Variants in PAPLN observed in about 807,000 individuals in gnomAD.
PAPLN encodes the protein papilin.
In PAPLN, 146 loss-of-function variants were observed where a neutral mutation model predicts 159.0. That is an observed-to-expected ratio of 0.92 (90% CI 0.80 to 1.05). The LOEUF is 1.05. Among genes scored for constraint, PAPLN ranks in the 50% least tolerant of loss-of-function variants. The probability of loss-of-function intolerance (pLI) is 0.00; values close to 1 mark genes in which losing one functional copy is unlikely to be tolerated. For synonymous variants in PAPLN, 734 were observed against 702.9 expected, an observed-to-expected ratio of 1.04 and a Z score of -0.70; for missense variants, 1,720 against 1,743.9, an observed-to-expected ratio of 0.99 and a Z score of 0.24.
intron 6 of PAPLN, 54 bp downstream of exon 6, chr14:73,250,168 G>T: frequency 1.3e-6 from 2 of 1,523,100 alleles, no homozygotes; most frequent in Non-Finnish European, 1.8e-6. Flanking sequence ...GGCTCAGTGC[G>T]GGTGTTTCCC....
rs928964897 is a variant in PAPLN at position 73,244,672 on chromosome 14, C to A, written c.83C>A (p.Thr28Asn). The A allele has an allele frequency of 2.5e-6, 4 of 1,593,952 alleles. No individual in the cohort carries two copies. Among genetic ancestry groups the A allele is most frequent in the Middle Eastern group, 1.7e-4 (1 of 6,002 alleles). Residue 28 changes from threonine (T) to asparagine (N), a missense_variant, in exon 3 of 27, where the codon ACC becomes AAC. By Grantham distance (65) the Thr-to-Asn change is moderately conservative (BLOSUM62 0). Transcript: ENST00000644200. ...CCCAAGGTGAGGCGGCAGAGTGACA[C>A]CTGGGGACCCTGGAGCCAGTGGAGC... The part of the protein sequence containing the change: ...SAPKVRRQSD[T>N]WGPWSQWSPC...
Position 73,254,596 on chromosome 14 carries a change from G to T in PAPLN, c.1386G>T (p.Ala462=). The T allele has an allele frequency of 6.2e-7, 1 of 1,614,034 alleles. No individual in the cohort carries two copies. Among genetic ancestry groups the T allele is most frequent in the Non-Finnish European group, 8.5e-7 (1 of 1,179,920 alleles). ...GERGSLLHTA[A]CSLEDRPPLT... The stretch of plus-strand genomic sequence containing the variant: ...GGGGTTCTTTGCTCCATACCGCAGC[G>T]TGCTCCTTGGAAGACCGGCCACCTC... The change falls in exon 13 of 27, where the codon GCG becomes GCT. Residue 462 remains alanine (A), a synonymous_variant. Transcript: ENST00000644200.
At chr14:73,238,063 T>C (rs1332236707) in intron 1 of PAPLN, among the ~76,000 whole-genome samples, 1 of 152,122 alleles carries the variant, frequency 6.6e-6, no homozygotes, top group East Asian at 1.9e-4. Flanking sequence ...CGCGGCGCGT[T>C]CCTGGGGTGG....
In PAPLN at chr14:73,248,169, C is replaced by CTGTGTGTG. The variant is rs776221964; in HGVS notation, c.335-1803_335-1796dup. The stretch of plus-strand genomic sequence containing the variant: ...TGGCCCAGTGGGAGTCTCATATCCT[C>CTGTGTGTG]TGTGTGTGTGTGTGTGTGTCTGTGT... On this transcript the variant is annotated intron_variant, in intron 5 of 26. Transcript: ENST00000644200. 3.1e-4 allele frequency among the ~76,000 whole-genome samples: 32 copies of CTGTGTGTG among 101,662 alleles called. 1 individual carries two copies. Among genetic ancestry groups the CTGTGTGTG allele is most frequent in the African/African-American group, 1.2e-3 (28 of 23,296 alleles). The allele number at this position is 101,662 out of a possible 152,430, so 66.7% of individuals were successfully genotyped here.
chr14:73,262,815 GCTC>G lies in PAPLN; in HGVS notation c.2717_2719del (p.Ser906del). On this transcript the variant is annotated inframe_deletion, in exon 19 of 27. Coordinates refer to ENST00000644200, the MANE Select transcript of PAPLN (RefSeq NM_001365906.3). ...GGATCACCAGCGCCACCCTTCCACA[GCTC>G]CTCCTACAGGTGAGGCCCACCTTCC... 1.3e-6 allele frequency: 2 copies of G among 1,489,870 alleles called. No individual in the cohort carries two copies. Among genetic ancestry groups the G allele is most frequent in the Non-Finnish European group, 1.8e-6 (2 of 1,124,016 alleles). 92.3% of individuals were successfully genotyped at this position (1,489,870 alleles called of 1,614,324 possible).
intron 20 of PAPLN, 197 bp from the exon 21 acceptor site, chr14:73,264,014 A>G (rs559609368): frequency 3.6e-6 from 5 of 1,391,990 alleles, no homozygotes; most frequent in Non-Finnish European, 4.7e-6. Flanking sequence ...TGACAGGTTC[A>G]CGTGACAGCT....
chr14:73,264,328 C>T lies in PAPLN; in HGVS notation c.2979C>T (p.Arg993=), dbSNP rs1886985419. Residue 993 remains arginine, a synonymous_variant, in exon 21 of 27, where the codon CGC becomes CGT. Transcript: ENST00000644200. ...PGRDSQKIQL[R]IIGGDMAVLS... Reference sequence around the variant, plus strand: ...GCGACTCCCAGAAGATCCAACTTCGCATCATAGGTCTCTGTCCCCACCCCA... The same window carrying T: ...GCGACTCCCAGAAGATCCAACTTCGTATCATAGGTCTCTGTCCCCACCCCA... 3 of 1,613,542 alleles carry T rather than the reference C, an allele frequency of 1.9e-6. No individual in the cohort carries two copies. Among genetic ancestry groups the T allele is most frequent in the East Asian group, 2.2e-5 (1 of 44,878 alleles).
intron 19 of PAPLN, 120 bp downstream of exon 19, chr14:73,262,947 C>T (rs971022998): frequency 7.3e-6 from 7 of 962,978 alleles, no homozygotes; most frequent in East Asian, 3.1e-5. Context: ...CTGTTTCTCC[C>T]GAGAGCCCTG....
chr14:73,268,448 C>A, intron 25 of PAPLN, 109 bp from the exon 26 acceptor site: 1 of 1,177,364 alleles, frequency 8.5e-7, no homozygotes, highest in Non-Finnish European at 1.2e-6. Context: ...TGTTTGCTCT[C>A]AAGGGGTGGG....
At position 73,262,621 on chromosome 14, in the gene PAPLN, C is replaced by T; in HGVS notation, c.2517C>T (p.Ser839=). Residue 839 remains serine (S), a synonymous_variant, in exon 19 of 27, where the codon AGC becomes AGT. Transcript: ENST00000644200. ...GSSPAGEQEP[S]QHRTGAAVQR... ...GTCCTGCAGGCGAGCAGGAACCCAGCCAGCACAGGACAGGGGCCGCGGTGC... is the reference window on the plus strand; with the variant it reads ...GTCCTGCAGGCGAGCAGGAACCCAGTCAGCACAGGACAGGGGCCGCGGTGC... The T allele has an allele frequency of 6.5e-7, 1 of 1,545,066 alleles. No individual in the cohort carries two copies. Among genetic ancestry groups the T allele is most frequent in the Non-Finnish European group, 8.8e-7 (1 of 1,142,372 alleles).
At chr14:73,239,219 G>A (rs1177314299) in intron 1 of PAPLN, among the ~76,000 whole-genome samples, 1 of 152,206 alleles carries the variant, frequency 6.6e-6, no homozygotes, top group Non-Finnish European at 1.5e-5. Flanking sequence ...GGCGCACACT[G>A]CACTGCATAC....
chr14:73,245,541 A>G lies in PAPLN; in HGVS notation c.171-95A>G. 1 of 1,362,418 alleles carries G rather than the reference A, an allele frequency of 7.3e-7. No homozygotes were observed. Among genetic ancestry groups the G allele is most frequent in the Non-Finnish European group, 1.0e-6 (1 of 994,278 alleles). The allele number at this position is 1,362,418 out of a possible 1,614,324, so 84.4% of individuals were successfully genotyped here. A position where few individuals can be genotyped will look rare whatever the true frequency, so the allele number is the denominator to read the frequency against. ...CCTCTCACCTTGCTGCTCCCACTGGAGAGTCCCGCAGAAGTTGGGGCCTGC... is the reference window on the plus strand; with the variant it reads ...CCTCTCACCTTGCTGCTCCCACTGGGGAGTCCCGCAGAAGTTGGGGCCTGC... On this transcript the variant is annotated intron_variant, in intron 3 of 26. Transcript: ENST00000644200. This position sits in a 1 kb window ranked among gnomAD's most constrained non-coding sequence, Gnocchi z 4.2.
intron 11 of PAPLN, among the ~76,000 whole-genome samples, chr14:73,252,989 C>G (rs1885471827): frequency 1.3e-5 from 2 of 152,176 alleles, no homozygotes; most frequent in African/African-American, 4.8e-5. Context: ...CTCCTGTGAC[C>G]ACGAAGTACT....
At chr14:73,267,222 G>A (rs930296280) in intron 25 of PAPLN, among the ~76,000 whole-genome samples, 2 of 152,148 alleles carry the variant, frequency 1.3e-5, no homozygotes, top group Non-Finnish European at 2.9e-5. Flanking sequence ...AATGTCCCCT[G>A]GTGGCAAAAT....
At chr14:73,235,947 G>C (rs995494032), upstream of PAPLN, among the ~76,000 whole-genome samples, 1 of 152,232 alleles carries the variant, frequency 6.6e-6, no homozygotes, top group African/African-American at 2.4e-5. Flanking sequence ...TGGAGCCAGG[G>C]GGCTGAAGTG....
chr14:73,264,781 G>T (rs1566706307), intron 22 of PAPLN, 55 bp downstream of exon 22: 3 of 1,604,732 alleles, frequency 1.9e-6, no homozygotes, highest in Non-Finnish European at 2.5e-6. Context: ...CAGGGCCGGG[G>T]GTCTCAGTGG....
intron 2 of PAPLN, among the ~76,000 whole-genome samples, chr14:73,241,430 T>G (rs1883525714): frequency 6.6e-6 from 1 of 152,194 alleles, no homozygotes; most frequent in Non-Finnish European, 1.5e-5. Flanking sequence ...CAAATAAGCC[T>G]TAGACTGCTC....
At chr14:73,253,995 G>A in intron 12 of PAPLN, 34 bp downstream of exon 12, 1 of 1,583,046 alleles carries the variant, frequency 6.3e-7, no homozygotes, top group Non-Finnish European at 8.6e-7. Context: ...GCTGGTGCTG[G>A]ACCTGGGTAG....
intron 11 of PAPLN, chr14:73,253,122 G>A (rs1167501696): frequency 1.4e-6 from 2 of 1,398,718 alleles, no homozygotes; most frequent in Non-Finnish European, 1.9e-6. Context: ...AGGCCAAAGG[G>A]CCTGTTGGCA....
Sources: allele counts gnomAD v4.1 joint callset (sites outside exome capture counted in the v4.1 genomes callset), GRCh38; gene constraint gnomAD v4.1.1; non-coding constraint Gnocchi (gnomAD v3.1); transcripts MANE v1.5; gene names NCBI Gene and HGNC (gene_info 2026-07-23, HGNC 2026-07-21).